The following CSMD1 variants were observed in gnomAD, a reference collection of about 807,000 sequenced individuals.
CSMD1 encodes the protein CUB and sushi domain-containing protein 1.
CSMD1 carries 213 observed loss-of-function variants against 417.5 expected under a neutral mutation model. The observed-to-expected ratio is 0.51, with a 90% CI of 0.46 to 0.57. The LOEUF is 0.57. Among genes scored for constraint, CSMD1 ranks in the 20% least tolerant of loss-of-function variants. The probability of loss-of-function intolerance (pLI) is 0.00; values close to 1 mark genes in which losing one functional copy is unlikely to be tolerated. For missense variants in CSMD1, 6,923 were observed against 4,529.7 expected (o/e 1.53, Z -15.17); for synonymous variants, 2,862 against 1,736.8 (o/e 1.65, Z -16.11).
chr8:4,475,871 C>T (rs957746926), intron 2 of CSMD1, among the ~76,000 whole-genome samples: 52 of 152,074 alleles, frequency 3.4e-4, no homozygotes, highest in Admixed American at 3.2e-3. Context: ...CCTTACGCTC[C>T]GAAAGTGCTG....
Position 4,854,819 on chromosome 8 carries a change from C to A in CSMD1, c.85+139513G>T, listed in dbSNP as rs577281463. Among the ~76,000 whole-genome samples the A allele has an allele frequency of 6.0e-4, 92 of 152,292 alleles. No homozygotes were observed. The South Asian group carries it at 8.3e-3, about 14-fold the overall frequency. ...AGCAGTCTGAGATCAAACTGCAAGG[C>A]AGCAGCGAGGCTGGGGGAGGGGCGC... On this transcript the variant is annotated intron_variant, in intron 1 of 69. Coordinates refer to ENST00000635120, the MANE Select transcript of CSMD1 (RefSeq NM_033225.6).
intron 10 of CSMD1, among the ~76,000 whole-genome samples, chr8:3,495,800 A>T (rs118177617): frequency 6.6e-6 from 1 of 152,320 alleles, no homozygotes; most frequent in Non-Finnish European, 1.5e-5. Context: ...TTGAGCCAAA[A>T]TGGTTTTAGT....
At chr8:3,562,300 T>A (rs1477353167) in intron 10 of CSMD1, among the ~76,000 whole-genome samples, 1 of 129,842 alleles carries the variant, frequency 7.7e-6, no homozygotes, top group African/African-American at 3.0e-5. Context: ...TTTTAGAATC[T>A]AGAAAGACTT....
intron 3 of CSMD1, among the ~76,000 whole-genome samples, chr8:4,176,361 A>G (rs1260955126): frequency 1.3e-5 from 2 of 152,096 alleles, no homozygotes; most frequent in South Asian, 2.1e-4. Context: ...TTAGTATGAC[A>G]ACAATCTACA....
chr8:3,634,343 ACT>A (rs1478037847), intron 7 of CSMD1, among the ~76,000 whole-genome samples: 1 of 152,056 alleles, frequency 6.6e-6, no homozygotes, highest in African/African-American at 2.4e-5. Context: ...CCTGTGTGAC[ACT>A]CTGTGACAAA....
At chr8:3,875,289 C>A (rs1437389138) in intron 5 of CSMD1, among the ~76,000 whole-genome samples, 1 of 152,120 alleles carries the variant, frequency 6.6e-6, no homozygotes, top group Non-Finnish European at 1.5e-5. Context: ...ATTTACACTG[C>A]ATTAAGGATC....
At chr8:3,942,734 T>C (rs1160831724) in intron 5 of CSMD1, among the ~76,000 whole-genome samples, 1 of 152,204 alleles carries the variant, frequency 6.6e-6, no homozygotes, top group Admixed American at 6.5e-5. Context: ...ACGCTCAAAA[T>C]ACTAATGCAT....
At chr8:4,949,200 A>G (rs894705369) in intron 1 of CSMD1, among the ~76,000 whole-genome samples, 4 of 152,084 alleles carry the variant, frequency 2.6e-5, no homozygotes, top group Non-Finnish European at 5.9e-5. Context: ...CTTAAATACC[A>G]TTGCATTTGG....
At chr8:3,528,874 T>C (rs1289242704) in intron 10 of CSMD1, among the ~76,000 whole-genome samples, 1 of 152,242 alleles carries the variant, frequency 6.6e-6, no homozygotes, top group African/African-American at 2.4e-5. Flanking sequence ...ATACTCTGTA[T>C]GTATTATAAC....
chr8:3,764,739 C>CTTTTTTTT (rs66603480), intron 5 of CSMD1, among the ~76,000 whole-genome samples: 1 of 129,788 alleles, frequency 7.7e-6, no homozygotes, highest in African/African-American at 2.9e-5. Context: ...TTTTCTCTTT[C>CTTTTTTTT]TTTTTTTTTT....
intron 2 of CSMD1, among the ~76,000 whole-genome samples, chr8:4,472,291 T>C (rs1362601172): frequency 2.0e-5 from 3 of 152,142 alleles, no homozygotes; most frequent in Admixed American, 6.5e-5. Flanking sequence ...ATTAAAAAAG[T>C]AAAGCTCTAA....
At chr8:3,151,928 T>A (rs1167852925) in intron 39 of CSMD1, among the ~76,000 whole-genome samples, 1 of 152,198 alleles carries the variant, frequency 6.6e-6, no homozygotes, top group Non-Finnish European at 1.5e-5. Flanking sequence ...ATAGATTAAC[T>A]CACATAGCAA....
In CSMD1 at chr8:4,311,528, G is replaced by A. The variant is rs191311263; in HGVS notation, c.415+108425C>T. On this transcript the variant is annotated intron_variant, in intron 3 of 69. Coordinates refer to ENST00000635120, the MANE Select transcript of CSMD1 (RefSeq NM_033225.6). The stretch of plus-strand genomic sequence containing the variant: ...ACCTGAGATCAGGAGTTCGAGACCA[G>A]CCTGACCAATACGGTGAAACCCTGT... Among the ~76,000 whole-genome samples, 11 of 152,198 alleles carry A rather than the reference G, an allele frequency of 7.2e-5. 1 individual carries two copies. The highest frequency in any genetic ancestry group is 2.6e-4 in the African/African-American group (11 of 41,534).
chr8:3,768,243 G>A (rs1258912811), intron 5 of CSMD1, among the ~76,000 whole-genome samples: 1 of 152,154 alleles, frequency 6.6e-6, no homozygotes, highest in East Asian at 1.9e-4. Flanking sequence ...TGGCAACAAG[G>A]CGGAGACGTA....
At chr8:3,241,925 G>A (rs979503336) in intron 26 of CSMD1, among the ~76,000 whole-genome samples, 12 of 150,658 alleles carry the variant, frequency 8.0e-5, no homozygotes, top group Middle Eastern at 6.8e-3. Context: ...TTTATTTAAT[G>A]CCGGGAGCAG....
intron 3 of CSMD1, among the ~76,000 whole-genome samples, chr8:4,334,134 C>G (rs764186288): frequency 2.0e-5 from 3 of 151,996 alleles, no homozygotes; most frequent in South Asian, 2.1e-4. Flanking sequence ...CTCAAACTCC[C>G]GAACTCAAGA....
chr8:4,068,270 G>T (rs745844958), intron 3 of CSMD1, among the ~76,000 whole-genome samples: 2 of 152,142 alleles, frequency 1.3e-5, no homozygotes, highest in Non-Finnish European at 2.9e-5. Flanking sequence ...TCCTCGGAGA[G>T]TTGAGAAGTC....
At chr8:4,026,685 A>C (rs1207800992) in intron 4 of CSMD1, among the ~76,000 whole-genome samples, 1 of 152,230 alleles carries the variant, frequency 6.6e-6, no homozygotes, top group Admixed American at 6.5e-5. Context: ...ATAAAATAGC[A>C]ATCAGACAAA....
At chr8:3,673,348 T>G (rs780102026) in intron 7 of CSMD1, among the ~76,000 whole-genome samples, 8 of 152,338 alleles carry the variant, frequency 5.3e-5, no homozygotes, top group Middle Eastern at 3.4e-3. Flanking sequence ...AACAAAAGAA[T>G]TGCAATTTCA....
Sources: gnomAD v4.1 joint callset for allele counts (sites outside exome capture counted in the v4.1 genomes callset) on GRCh38, gnomAD v4.1.1 for gene constraint, MANE v1.5 for transcripts, NCBI Gene and HGNC (gene_info 2026-07-23, HGNC 2026-07-21) for gene names.